Variants in CDH6 observed in about 807,000 individuals in gnomAD.
CDH6 encodes cadherin-6.
Under a neutral mutation model 78.0 loss-of-function variants are expected in CDH6, and 31 were observed. The ratio of observed to expected loss-of-function variants is 0.40; its 90% CI spans 0.30 to 0.54. The LOEUF (loss-of-function observed/expected upper bound fraction) is 0.54, where lower values mean the gene tolerates loss of function less well. Among genes scored for constraint, CDH6 ranks in the 20% least tolerant of loss-of-function variants. The pLI is 0.56. For missense variants in CDH6, 724 were observed against 975.9 expected, an observed-to-expected ratio of 0.74 and a Z score of 3.44; for synonymous variants, 376 against 368.8, an observed-to-expected ratio of 1.02 and a Z score of -0.23.
At chr5:31,291,109 T>C (rs1743148838) in intron 2 of CDH6, among the ~76,000 whole-genome samples, 1 of 152,106 alleles carries the variant, frequency 6.6e-6, no homozygotes, top group African/African-American at 2.4e-5. Flanking sequence ...CTGAAACCGA[T>C]GAAAGAACTA....
At chr5:31,238,024 T>A (rs2111868705) in intron 1 of CDH6, among the ~76,000 whole-genome samples, 1 of 152,326 alleles carries the variant, frequency 6.6e-6, no homozygotes, top group Middle Eastern at 3.4e-3. Context: ...TTCCTTTCTC[T>A]TCCTTTGGCT....
At position 31,199,408 on chromosome 5, in the gene CDH6, C is replaced by A. The variant is rs1488330952; in HGVS notation, c.-129+5522C>A. On this transcript the variant is annotated intron_variant, in intron 1 of 11. Coordinates refer to ENST00000265071, the MANE Select transcript of CDH6 (RefSeq NM_004932.4). The stretch of plus-strand genomic sequence containing the variant: ...TGTATATATGTATATATGTACTTTA[C>A]ATGGTGTATATATGTACACACATAT... 3.5e-5 allele frequency among the ~76,000 whole-genome samples: 5 copies of A among 144,624 alleles called. No homozygotes were observed. In the South Asian group the frequency reaches 8.7e-4, roughly 25 times the overall value. The allele number at this position is 144,624 out of a possible 152,430, so 94.9% of individuals were successfully genotyped here.
chr5:31,234,837 T>A (rs1268394154), intron 1 of CDH6, among the ~76,000 whole-genome samples: 1 of 152,200 alleles, frequency 6.6e-6, no homozygotes, highest in Non-Finnish European at 1.5e-5. Flanking sequence ...CATATGCATG[T>A]GTATATAGGT....
chr5:31,279,981 C>T (rs1431236666), intron 2 of CDH6, among the ~76,000 whole-genome samples: 1 of 152,138 alleles, frequency 6.6e-6, no homozygotes, highest in African/African-American at 2.4e-5. Flanking sequence ...CAAGTCAAAT[C>T]GAGAAAATTC....
intron 1 of CDH6, among the ~76,000 whole-genome samples, chr5:31,198,750 G>A (rs1490296511): frequency 6.6e-6 from 1 of 152,072 alleles, no homozygotes; most frequent in Non-Finnish European, 1.5e-5. Context: ...TTTTTACATA[G>A]GGTGCATTTT....
At chr5:31,218,251 G>GA (rs1328233058) in intron 1 of CDH6, among the ~76,000 whole-genome samples, 2 of 151,854 alleles carry the variant, frequency 1.3e-5, no homozygotes, top group Non-Finnish European at 2.9e-5. Flanking sequence ...CACAAAAACA[G>GA]AAAAAAAGGA....
At chr5:31,253,563 T>C (rs1419939909) in intron 1 of CDH6, among the ~76,000 whole-genome samples, 2 of 152,272 alleles carry the variant, frequency 1.3e-5, no homozygotes, top group South Asian at 2.1e-4. Context: ...ATCTCCTTTC[T>C]AAGGGCACTA....
intron 6 of CDH6, among the ~76,000 whole-genome samples, chr5:31,302,933 AAG>A (rs1384608721): frequency 7.7e-6 from 1 of 129,678 alleles, no homozygotes; most frequent in Non-Finnish European, 1.8e-5. Context: ...GAAAGAAAGA[AAG>A]AAAGAAAGAA....
rs1321065750 is a variant in CDH6, at chr5:31,292,367, T to C, written c.229-1595T>C. The stretch of plus-strand genomic sequence containing the variant: ...TCTAAGAAAGAGGCCGTATATAAAG[T>C]ATTTCTTTCCCTCAGCACTTCCTGT... On this transcript the variant is annotated intron_variant, in intron 2 of 11. Coordinates refer to ENST00000265071, the MANE Select transcript of CDH6 (RefSeq NM_004932.4). Among the ~76,000 whole-genome samples the C allele has an allele frequency of 2.6e-5, 4 of 152,164 alleles. No homozygotes were observed. In the East Asian group the frequency reaches 7.7e-4, roughly 29 times the overall value.
intron 1 of CDH6, among the ~76,000 whole-genome samples, chr5:31,204,443 G>A (rs1281478784): frequency 6.6e-6 from 1 of 152,144 alleles, no homozygotes; most frequent in Non-Finnish European, 1.5e-5. Flanking sequence ...CAACATAAGA[G>A]TAAAGTGCTC....
chr5:31,275,636 G>C (rs10472189), intron 2 of CDH6, among the ~76,000 whole-genome samples: 4,527 of 152,098 alleles, frequency 0.03, 235 homozygotes, highest in African/African-American at 0.1. Context: ...CCATGTCTTT[G>C]CTATTGTGAA....
intron 1 of CDH6, among the ~76,000 whole-genome samples, chr5:31,232,120 C>T (rs953763676): frequency 7.9e-5 from 12 of 152,142 alleles, no homozygotes; most frequent in Non-Finnish European, 1.6e-4. Flanking sequence ...GTTTCTCACT[C>T]TTTAATTAGA....
At chr5:31,194,554 T>A (rs1354521056) in intron 1 of CDH6, among the ~76,000 whole-genome samples, 2 of 152,062 alleles carry the variant, frequency 1.3e-5, no homozygotes, top group Non-Finnish European at 2.9e-5. Flanking sequence ...AGGACAGAAA[T>A]GCTTAGGTTG....
intron 2 of CDH6, among the ~76,000 whole-genome samples, chr5:31,281,848 C>T (rs1269808728): frequency 4.6e-5 from 7 of 152,040 alleles, no homozygotes; most frequent in Non-Finnish European, 1.0e-4. Flanking sequence ...TCAGGCAGGC[C>T]TTGGTATCCT....
chr5:31,272,698 T>C (rs1742560261), intron 2 of CDH6, among the ~76,000 whole-genome samples: 1 of 152,234 alleles, frequency 6.6e-6, no homozygotes, highest in African/African-American at 2.4e-5. Flanking sequence ...CTCCATTTTA[T>C]CTTCCACAAT....
chr5:31,287,344 T>C (rs1743038690), intron 2 of CDH6, among the ~76,000 whole-genome samples: 1 of 152,170 alleles, frequency 6.6e-6, no homozygotes, highest in African/African-American at 2.4e-5. Flanking sequence ...CACTGATTGA[T>C]AGGAAAGTCA....
chr5:31,260,402 A>G (rs570183052), intron 1 of CDH6, among the ~76,000 whole-genome samples: 1 of 152,306 alleles, frequency 6.6e-6, no homozygotes, highest in African/African-American at 2.4e-5. Context: ...TCTCACAATT[A>G]AATAGTTTGG....
intron 1 of CDH6, among the ~76,000 whole-genome samples, chr5:31,255,540 T>G (rs1223531893): frequency 6.6e-6 from 1 of 152,178 alleles, no homozygotes; most frequent in Non-Finnish European, 1.5e-5. Flanking sequence ...ATTAAAGTTT[T>G]TAAATTAAGG....
chr5:31,213,005 A>G (rs1740758635), intron 1 of CDH6, among the ~76,000 whole-genome samples: 1 of 152,156 alleles, frequency 6.6e-6, no homozygotes, highest in Non-Finnish European at 1.5e-5. Context: ...TTTGCCTACT[A>G]TGCACTAATT....
Sources: gnomAD v4.1 joint callset for allele counts (sites outside exome capture counted in the v4.1 genomes callset) on GRCh38, gnomAD v4.1.1 for gene constraint, MANE v1.5 for transcripts, NCBI Gene and HGNC (gene_info 2026-07-23, HGNC 2026-07-21) for gene names.